The following CREB1 variants were observed in gnomAD, a reference collection of about 807,000 sequenced individuals.
CREB1 encodes the protein cAMP responsive element binding protein 1.
Under a neutral mutation model 42.0 loss-of-function variants are expected in CREB1, and 2 were observed. The observed-to-expected ratio is 0.05, with a 90% CI of 0.02 to 0.15. The LOEUF is 0.15. CREB1 is among the 10% of genes least tolerant of loss of function. The pLI is 1.00. For synonymous variants in CREB1, 123 were observed against 139.9 expected, an observed-to-expected ratio of 0.88 and a Z score of 0.85; for missense variants, 199 against 388.9, an observed-to-expected ratio of 0.51 and a Z score of 4.11.
At chr2:207,592,009 T>C (rs935973072) in intron 7 of CREB1, among the ~76,000 whole-genome samples, 2 of 152,246 alleles carry the variant, frequency 1.3e-5, no homozygotes, top group African/African-American at 4.8e-5. Flanking sequence ...AACTCTTTTT[T>C]ACATTTCTTA....
intron 7 of CREB1, among the ~76,000 whole-genome samples, chr2:207,591,259 C>T (rs1689682325): frequency 6.6e-6 from 1 of 152,168 alleles, no homozygotes; most frequent in East Asian, 1.9e-4. Flanking sequence ...CCTTTCAGTT[C>T]TATTAGCTTT....
intron 7 of CREB1, chr2:207,582,789 C>T (rs1399460702): frequency 1.1e-5 from 3 of 264,172 alleles, no homozygotes; most frequent in African/African-American, 4.7e-5. Flanking sequence ...GCTACTCAGG[C>T]GGCTGAGGCA....
intron 7 of CREB1, 70 bp downstream of exon 7, chr2:207,577,725 T>G (rs934700316): frequency 6.4e-7 from 1 of 1,557,618 alleles, no homozygotes; most frequent in Non-Finnish European, 8.8e-7. Flanking sequence ...GATGTGTATC[T>G]TTACATCTAC....
At chr2:207,575,965 T>C (rs1023027478) in intron 6 of CREB1, among the ~76,000 whole-genome samples, 4 of 108,322 alleles carry the variant, frequency 3.7e-5, no homozygotes, top group Non-Finnish European at 6.9e-5. Context: ...AATTTAAATC[T>C]TCTGAGATCA....
At chr2:207,580,970 A>G (rs940340679) in intron 7 of CREB1, 1 of 217,558 alleles carries the variant, frequency 4.6e-6, no homozygotes, top group Admixed American at 5.8e-5. Flanking sequence ...GGACAAGCCC[A>G]AAGTCAGTGG....
chr2:207,550,322 T>C (rs2106421614), intron 1 of CREB1: 1 of 151,066 alleles, frequency 6.6e-6, no homozygotes, highest in African/African-American at 2.4e-5. Flanking sequence ...TCATTTCTAG[T>C]TGAGGTCATT....
intron 1 of CREB1, among the ~76,000 whole-genome samples, chr2:207,537,154 A>T (rs1192429864): frequency 6.6e-6 from 1 of 151,966 alleles, no homozygotes; most frequent in Non-Finnish European, 1.5e-5. Flanking sequence ...TCCTGGGTTA[A>T]AGCGATTCCC....
At chr2:207,543,426 G>A (rs2081173845) in intron 1 of CREB1, among the ~76,000 whole-genome samples, 1 of 152,116 alleles carries the variant, frequency 6.6e-6, no homozygotes. Flanking sequence ...TACCTATGAA[G>A]GGGGAGTGAG....
intron 5 of CREB1, among the ~76,000 whole-genome samples, chr2:207,574,654 T>C (rs767311308): frequency 6.6e-5 from 10 of 152,188 alleles, no homozygotes; most frequent in Non-Finnish European, 1.5e-4. Flanking sequence ...TAAATGATGA[T>C]CTTGAGCTCT....
chr2:207,574,807 T>C (rs867548231), intron 5 of CREB1, among the ~76,000 whole-genome samples: 1 of 152,210 alleles, frequency 6.6e-6, no homozygotes, highest in Non-Finnish European at 1.5e-5. Context: ...TTATTAGTTA[T>C]ATGTTAAAAC....
chr2:207,539,630 C>T (rs1376259532), intron 1 of CREB1, among the ~76,000 whole-genome samples: 4 of 152,056 alleles, frequency 2.6e-5, no homozygotes, highest in African/African-American at 2.4e-5. Context: ...AAGAATCTTA[C>T]GGTATAGTAG....
In CREB1 at chr2:207,577,322, T is replaced by C. The variant is rs903373276; in HGVS notation, c.689-183T>C. Reference sequence around the variant, plus strand: ...AGGTTACTGTAATAAATACATTACATTGGGAATTATTTCTTAGTAGTGGCG... The same window carrying C: ...AGGTTACTGTAATAAATACATTACACTGGGAATTATTTCTTAGTAGTGGCG... On this transcript the variant is annotated intron_variant, in intron 6 of 7. Transcript: ENST00000353267. The C allele has an allele frequency of 6.9e-6, 7 of 1,007,970 alleles. No individual in the cohort carries two copies. The East Asian group carries it at 2.0e-4, about 28-fold the overall frequency. The allele number at this position is 1,007,970 out of a possible 1,614,324, so 62.4% of individuals were successfully genotyped here. A position where few individuals can be genotyped will look rare whatever the true frequency, so the allele number is the denominator to read the frequency against.
chr2:207,561,059 G>A, intron 3 of CREB1: 1 of 1,478,752 alleles, frequency 6.8e-7, no homozygotes, highest in South Asian at 1.1e-5. Flanking sequence ...AAAAAGACTT[G>A]AACGTTCATT....
At position 207,575,428 on chromosome 2, in the gene CREB1, T is replaced by C; in HGVS notation, c.662T>C (p.Val221Ala). 6.2e-7 allele frequency: 1 copy of C among 1,612,634 alleles called. No individual in the cohort carries two copies. The highest frequency in any genetic ancestry group is 1.3e-5 in the African/African-American group (1 of 75,028). The change falls in exon 6 of 8, where the codon GTG becomes GCG. Residue 221 changes from valine (V) to alanine (A), a missense_variant. By Grantham distance (64) the Val-to-Ala change is moderately conservative. Transcript: ENST00000353267. The part of the protein sequence containing the change: ...AQTTDGQQIL[V>A]PSNQVVVQAA... ...ACCACTGATGGACAGCAGATCTTAG[T>C]GCCCAGCAACCAAGTTGTTGTTCAA...
intron 3 of CREB1, among the ~76,000 whole-genome samples, chr2:207,562,933 C>T (rs2082009077): frequency 6.6e-6 from 1 of 152,122 alleles, no homozygotes; most frequent in South Asian, 2.1e-4. Context: ...TAAAAGACAG[C>T]AATGAGCAAA....
Position 207,602,348 on chromosome 2 carries a change from G to A in CREB1, c.*5290G>A, listed in dbSNP as rs1235296864. On this transcript the variant is annotated 3_prime_UTR_variant, in exon 8 of 8. Transcript: ENST00000353267. Reference sequence around the variant, plus strand: ...TACTGACCTGTCTGCATTCTGGTACGGTGGGTGCAGGTCCCAGCTGGGTAT... The same window carrying A: ...TACTGACCTGTCTGCATTCTGGTACAGTGGGTGCAGGTCCCAGCTGGGTAT... The A allele has an allele frequency of 5.0e-6, 1 of 200,710 alleles. No individual in the cohort carries two copies. Among genetic ancestry groups the A allele is most frequent in the East Asian group, 7.6e-5 (1 of 13,084 alleles). 12.4% of individuals were successfully genotyped at this position (200,710 alleles called of 1,614,324 possible).
chr2:207,587,705 T>TA (rs1194003755), intron 7 of CREB1, among the ~76,000 whole-genome samples: 1 of 152,132 alleles, frequency 6.6e-6, no homozygotes, highest in Non-Finnish European at 1.5e-5. Flanking sequence ...GAAAGATAAA[T>TA]ACCACATGTT....
At chr2:207,591,102 A>G (rs1293451037) in intron 7 of CREB1, among the ~76,000 whole-genome samples, 3 of 152,154 alleles carry the variant, frequency 2.0e-5, no homozygotes, top group Non-Finnish European at 2.9e-5. Context: ...TATCATATCA[A>G]TGTCAGATAG....
intron 3 of CREB1, among the ~76,000 whole-genome samples, chr2:207,561,908 G>T (rs766677914): frequency 6.6e-6 from 1 of 152,018 alleles, no homozygotes; most frequent in Non-Finnish European, 1.5e-5. Flanking sequence ...TTGTGCTTTT[G>T]GTTCACTTTG....
Sources: allele counts gnomAD v4.1 joint callset (sites outside exome capture counted in the v4.1 genomes callset), GRCh38; gene constraint gnomAD v4.1.1; transcripts MANE v1.5; gene names NCBI Gene and HGNC (gene_info 2026-07-23, HGNC 2026-07-21).